The following C1QTNF7 variants were observed in gnomAD, a reference collection of about 807,000 sequenced individuals.
C1QTNF7 encodes the protein C1q and TNF related 7.
A neutral mutation model predicts 19.6 loss-of-function variants in C1QTNF7; 15 were observed. The observed-to-expected ratio is 0.76, with a 90% CI of 0.51 to 1.18. The LOEUF (loss-of-function observed/expected upper bound fraction) is 1.18, where lower values mean the gene tolerates loss of function less well. C1QTNF7 is among the 50% of genes most tolerant of loss of function. The pLI is 0.00. For synonymous variants in C1QTNF7, 142 were observed against 137.5 expected, an observed-to-expected ratio of 1.03 and a Z score of -0.23; for missense variants, 324 against 359.7, an observed-to-expected ratio of 0.90 and a Z score of 0.80.
intron 1 of C1QTNF7, among the ~76,000 whole-genome samples, chr4:15,377,203 G>A (rs1471389793): frequency 6.6e-6 from 1 of 152,190 alleles, no homozygotes; most frequent in Non-Finnish European, 1.5e-5. Context: ...CCTGAAGAAG[G>A]TGAAAAGTCC....
intron 1 of C1QTNF7, among the ~76,000 whole-genome samples, chr4:15,375,077 G>A (rs769468771): frequency 1.3e-5 from 2 of 151,930 alleles, no homozygotes; most frequent in Non-Finnish European, 2.9e-5. Flanking sequence ...GGAGTGTGAG[G>A]CTGACACCGA....
intron 1 of C1QTNF7, among the ~76,000 whole-genome samples, chr4:15,373,405 A>G (rs144386460): frequency 1.3e-5 from 2 of 152,326 alleles, no homozygotes; most frequent in African/African-American, 4.8e-5. Flanking sequence ...TTAGGTTCCA[A>G]CGTATGAATT....
chr4:15,386,343 A>C (rs1430674244), intron 1 of C1QTNF7, among the ~76,000 whole-genome samples: 1 of 152,224 alleles, frequency 6.6e-6, no homozygotes, highest in Non-Finnish European at 1.5e-5. Flanking sequence ...ATTATTTGTC[A>C]ACATTTATGG....
intron 1 of C1QTNF7, among the ~76,000 whole-genome samples, chr4:15,343,566 C>A (rs1424726595): frequency 6.6e-6 from 1 of 152,010 alleles, no homozygotes; most frequent in Non-Finnish European, 1.5e-5. Context: ...TGGTAAAGGA[C>A]AATGCAATAG....
chr4:15,402,494 A>T (rs1390268448), intron 1 of C1QTNF7, among the ~76,000 whole-genome samples: 1 of 152,238 alleles, frequency 6.6e-6, no homozygotes, highest in Non-Finnish European at 1.5e-5. Context: ...ACTAAGCAAC[A>T]GTGGGAATTA....
At chr4:15,343,982 T>A (rs1553883998) in intron 1 of C1QTNF7, among the ~76,000 whole-genome samples, 1 of 152,218 alleles carries the variant, frequency 6.6e-6, no homozygotes, top group Admixed American at 6.5e-5. Context: ...ATTCTCTGTA[T>A]CCCTTACCCA....
At chr4:15,417,865 G>A (rs1311714461) in intron 1 of C1QTNF7, among the ~76,000 whole-genome samples, 2 of 152,210 alleles carry the variant, frequency 1.3e-5, no homozygotes, top group East Asian at 1.9e-4. Flanking sequence ...TCAAGTGGGA[G>A]AGAGAAGGGA....
At chr4:15,408,149 T>C (rs762570767) in intron 1 of C1QTNF7, among the ~76,000 whole-genome samples, 114 of 151,964 alleles carry the variant, frequency 7.5e-4, no homozygotes, top group Non-Finnish European at 1.3e-3. Context: ...GGCGCACGCC[T>C]GTAGTCCCAG....
intron 1 of C1QTNF7, among the ~76,000 whole-genome samples, chr4:15,403,771 C>T (rs1451024802): frequency 6.6e-6 from 1 of 152,180 alleles, no homozygotes; most frequent in African/African-American, 2.4e-5. Context: ...GGTGTAACAA[C>T]TAAAACTGCT....
intron 1 of C1QTNF7, chr4:15,419,948 C>T (rs928126944): frequency 1.3e-5 from 2 of 152,182 alleles, no homozygotes; most frequent in African/African-American, 4.8e-5. Flanking sequence ...CCCAAGTGTG[C>T]TTCATTTTTG....
At chr4:15,366,232 C>A (rs1717517974) in intron 1 of C1QTNF7, among the ~76,000 whole-genome samples, 1 of 152,198 alleles carries the variant, frequency 6.6e-6, no homozygotes, top group Non-Finnish European at 1.5e-5. Flanking sequence ...TGGAGAACTC[C>A]TCAGTTTTAG....
chr4:15,362,089 T>C (rs1717363352), intron 1 of C1QTNF7, among the ~76,000 whole-genome samples: 2 of 152,252 alleles, frequency 1.3e-5, no homozygotes, highest in South Asian at 4.1e-4. Flanking sequence ...ATTCCCCAGT[T>C]TTCTCTAAAA....
intron 1 of C1QTNF7, among the ~76,000 whole-genome samples, chr4:15,369,125 C>A (rs548980165): frequency 1.3e-5 from 2 of 152,184 alleles, no homozygotes; most frequent in South Asian, 4.2e-4. Context: ...TTCTTCAGAC[C>A]AGATTTTGAT....
chr4:15,378,461 A>C (rs1352211313), intron 1 of C1QTNF7, among the ~76,000 whole-genome samples: 1 of 152,230 alleles, frequency 6.6e-6, no homozygotes, highest in African/African-American at 2.4e-5. Context: ...ACTATATTAC[A>C]GTAGCTGTTT....
intron 1 of C1QTNF7, among the ~76,000 whole-genome samples, chr4:15,392,446 CAG>C (rs1488553658): frequency 6.6e-6 from 1 of 152,244 alleles, no homozygotes; most frequent in Admixed American, 6.5e-5. Flanking sequence ...GGTGCCCCTT[CAG>C]CCCCATCACA....
At chr4:15,369,566 C>T (rs2109305179) in intron 1 of C1QTNF7, among the ~76,000 whole-genome samples, 1 of 152,120 alleles carries the variant, frequency 6.6e-6, no homozygotes, top group South Asian at 2.1e-4. Context: ...ATTATTTTAC[C>T]ATTATTTAAG....
Position 15,361,816 on chromosome 4 carries a change from G to A in C1QTNF7, c.13+21609G>A, listed in dbSNP as rs181751617. On this transcript the variant is annotated intron_variant, in intron 1 of 2. Coordinates refer to the C1QTNF7 transcript ENST00000295297. Reference sequence around the variant, plus strand: ...GAGGCATTGCTATGTATGAGTAGACGGTTACATTTAATTCCTTGAAAAGCC... The same window carrying A: ...GAGGCATTGCTATGTATGAGTAGACAGTTACATTTAATTCCTTGAAAAGCC... Among the ~76,000 whole-genome samples, 32 of 152,190 alleles carry A rather than the reference G, an allele frequency of 2.1e-4. No homozygotes were observed. In the East Asian group the frequency reaches 3.5e-3, roughly 17 times the overall value.
At chr4:15,422,606 C>T (rs183118699) in intron 1 of C1QTNF7, among the ~76,000 whole-genome samples, 24 of 151,742 alleles carry the variant, frequency 1.6e-4, no homozygotes, top group Middle Eastern at 3.4e-3. Flanking sequence ...TTAAAACTTT[C>T]GATAATTTTT....
intron 1 of C1QTNF7, chr4:15,340,289 G>C (rs1577222296): frequency 6.8e-7 from 1 of 1,473,974 alleles, no homozygotes; most frequent in Admixed American, 2.0e-5. Flanking sequence ...GAGAACTTAA[G>C]AAAGCTCCTT....
Sources: allele counts gnomAD v4.1 joint callset (sites outside exome capture counted in the v4.1 genomes callset), GRCh38; gene constraint gnomAD v4.1.1; transcripts MANE v1.5; gene names NCBI Gene and HGNC (gene_info 2026-07-23, HGNC 2026-07-21).